ADAM23: variants seen among roughly 807,000 people sequenced by gnomAD.
The protein encoded by ADAM23 is ADAM metallopeptidase domain 23.
ADAM23 carries 33 observed loss-of-function variants against 120.1 expected under a neutral mutation model. The observed-to-expected ratio is 0.27, with a 90% CI of 0.21 to 0.37. The LOEUF (loss-of-function observed/expected upper bound fraction) is 0.37, where lower values mean the gene tolerates loss of function less well. Ranked by LOEUF, ADAM23 falls within the 10% of genes least tolerant of loss-of-function variation. The pLI, the probability that ADAM23 is intolerant of heterozygous loss-of-function variation, is 1.00. For missense variants in ADAM23, 862 were observed against 1,058.2 expected (o/e 0.81, Z 2.57); for synonymous variants, 367 against 375.2 (o/e 0.98, Z 0.25).
intron 9 of ADAM23, 110 bp downstream of exon 9, chr2:206,550,270 G>T: frequency 1.9e-6 from 1 of 532,644 alleles, no homozygotes; most frequent in Non-Finnish European, 3.1e-6. Context: ...AAGATATTCA[G>T]ACATATTAAG....
Position 206,495,853 on chromosome 2 carries a change from A to G in ADAM23, c.509+14545A>G, listed in dbSNP as rs907861354. Among the ~76,000 whole-genome samples the G allele has an allele frequency of 5.8e-4, 89 of 152,352 alleles. 1 individual carries two copies. The highest frequency in any genetic ancestry group is 1.9e-3 in the African/African-American group (80 of 41,588). ...AAAAAAAGGCAGGGGTTGCAATCCT[A>G]GTCTCGGATTAAACAGACTTTAAAC... On this transcript the variant is annotated intron_variant, in intron 3 of 25. Coordinates refer to ENST00000264377, the MANE Select transcript of ADAM23 (RefSeq NM_003812.4).
At chr2:206,476,431 G>A (rs1161032738) in intron 2 of ADAM23, among the ~76,000 whole-genome samples, 1 of 152,162 alleles carries the variant, frequency 6.6e-6, no homozygotes, top group Non-Finnish European at 1.5e-5. Context: ...ACAGTAGGAG[G>A]TGAGTGGTGG....
chr2:206,479,363 G>A (rs1695848371), intron 2 of ADAM23, among the ~76,000 whole-genome samples: 6 of 152,136 alleles, frequency 3.9e-5, no homozygotes, highest in Admixed American at 2.6e-4. Context: ...TTATAAAGAT[G>A]TTCAAGGAGG....
chr2:206,609,763 A>G, intron 24 of ADAM23, 147 bp from the exon 25 acceptor site: 1 of 635,680 alleles, frequency 1.6e-6, no homozygotes, highest in Non-Finnish European at 2.7e-6. Flanking sequence ...CTAAAATGCA[A>G]TTAAGCTAAG....
chr2:206,618,215 G>A lies in ADAM23; in HGVS notation c.*588G>A, dbSNP rs1474456867. 6.6e-6 allele frequency: 1 copy of A among 152,066 alleles called. No homozygotes were observed. The highest frequency in any genetic ancestry group is 2.4e-5 in the African/African-American group (1 of 41,368). The allele number at this position is 152,066 out of a possible 1,614,324, so 9.4% of individuals were successfully genotyped here. On this transcript the variant is annotated 3_prime_UTR_variant, in exon 26 of 26. Coordinates refer to ENST00000264377, the MANE Select transcript of ADAM23 (RefSeq NM_003812.4). ...TGCCTGGGCCTCTTCACTTAAACAT[G>A]TCCCCACACCCCATCCTCTCGGAGC...
chr2:206,454,030 G>T (rs2105852462), intron 2 of ADAM23, among the ~76,000 whole-genome samples: 1 of 152,368 alleles, frequency 6.6e-6, no homozygotes, highest in East Asian at 1.9e-4. Context: ...CTTCTCTGCT[G>T]ATAGGCACTA....
rs1002996482 is a variant in ADAM23, at chr2:206,614,180, G to A, written c.2451-3399G>A. 6.6e-5 allele frequency among the ~76,000 whole-genome samples: 10 copies of A among 152,164 alleles called. No homozygotes were observed. In the East Asian group the frequency reaches 1.5e-3, roughly 23 times the overall value. ...GTGTTAATTTAATATTAATAAGTCT[G>A]TGTAATTATCATACGTGATTCCTTC... is the stretch of plus-strand genomic sequence containing the variant. On this transcript the variant is annotated intron_variant, in intron 25 of 25. Coordinates refer to ENST00000264377, the MANE Select transcript of ADAM23 (RefSeq NM_003812.4).
intron 11 of ADAM23, among the ~76,000 whole-genome samples, chr2:206,560,807 TATTA>T (rs1053205922): frequency 1.3e-5 from 2 of 152,182 alleles, no homozygotes; most frequent in Non-Finnish European, 2.9e-5. Context: ...TAATCAGCAA[TATTA>T]ATTCTTTTTA....
At chr2:206,462,301 T>C (rs1695437911) in intron 2 of ADAM23, among the ~76,000 whole-genome samples, 1 of 152,214 alleles carries the variant, frequency 6.6e-6, no homozygotes, top group Non-Finnish European at 1.5e-5. Flanking sequence ...AAAAATATAA[T>C]ATGAAAAGTG....
At position 206,445,372 on chromosome 2, in the gene ADAM23, C is replaced by T. The variant is rs777448539; in HGVS notation, c.280C>T (p.Gln94Ter). The T allele has an allele frequency of 6.2e-7, 1 of 1,613,938 alleles. No individual in the cohort carries two copies. Among genetic ancestry groups the T allele is most frequent in the Non-Finnish European group, 8.5e-7 (1 of 1,179,976 alleles). The change falls in exon 2 of 26, where the codon CAA becomes TAA. Residue 94 changes from glutamine to a stop codon, truncating the protein, a stop_gained. Transcript: ENST00000264377. LOFTEE classifies it high-confidence loss of function. ...CCTGGCAGATGAAGACAATACATTG[C>T]AACAGAATAGCAGCAGTAATATCAG... ...GVLADEDNTL[Q>*]QNSSSNISYS...
At chr2:206,477,897 A>AAAATATATATATATATATATATATAT (rs374524658) in intron 2 of ADAM23, among the ~76,000 whole-genome samples, 16 of 93,548 alleles carry the variant, frequency 1.7e-4, no homozygotes, top group African/African-American at 4.1e-4. Flanking sequence ...AAAAAAAAAA[A>AAAATATATATATATATATATATATAT]ATATATATAT....
chr2:206,563,318 A>G (rs1208872011), intron 13 of ADAM23, among the ~76,000 whole-genome samples: 1 of 152,212 alleles, frequency 6.6e-6, no homozygotes, highest in Non-Finnish European at 1.5e-5. Context: ...TCTATATTTT[A>G]TATTCTTTTT....
chr2:206,596,062 T>C lies in ADAM23; in HGVS notation c.2259T>C (p.Asn753=). 6.2e-7 allele frequency: 1 copy of C among 1,613,764 alleles called. No individual in the cohort carries two copies. Among genetic ancestry groups the C allele is most frequent in the Non-Finnish European group, 8.5e-7 (1 of 1,179,752 alleles). The change falls in exon 24 of 26, where the codon AAT becomes AAC. Residue 753 remains asparagine, a synonymous_variant. Coordinates refer to ENST00000264377, the MANE Select transcript of ADAM23 (RefSeq NM_003812.4). ...KVCSGHGVCS[N]EATCICDFTW... ...CTTTTTCTTCACAGGTGTGTAGTAA[T>C]GAAGCCACCTGCATTTGTGATTTCA...
At chr2:206,534,785 C>T (rs2105801083) in intron 4 of ADAM23, among the ~76,000 whole-genome samples, 1 of 152,186 alleles carries the variant, frequency 6.6e-6, no homozygotes, top group Admixed American at 6.5e-5. Context: ...TGCCTCCATC[C>T]CAACTTCCCT....
chr2:206,590,990 A>G (rs961526220), intron 21 of ADAM23, among the ~76,000 whole-genome samples: 2 of 152,190 alleles, frequency 1.3e-5, no homozygotes, highest in African/African-American at 2.4e-5. Flanking sequence ...AGAATACCCA[A>G]TCCCCAATAA....
intron 3 of ADAM23, among the ~76,000 whole-genome samples, chr2:206,502,775 TGTG>T (rs1160307648): frequency 2.0e-5 from 3 of 152,192 alleles, no homozygotes; most frequent in Non-Finnish European, 4.4e-5. Flanking sequence ...AATTACAGTT[TGTG>T]GACATGTAAT....
At position 206,547,467 on chromosome 2, in the gene ADAM23, G is replaced by T; in HGVS notation, c.759G>T (p.Leu253Phe). The change falls in exon 7 of 26, where the codon TTG becomes TTT. Residue 253 changes from leucine (L) to phenylalanine (F), a missense_variant. Coordinates refer to ENST00000264377, the MANE Select transcript of ADAM23 (RefSeq NM_003812.4). ...TGRPHIIQKT[L>F]AGQYSKQMKN... ...GACCACATATAATCCAGAAAACCTT[G>T]GCAGGACAGTATTCTAAGCAAATGA... 6.2e-7 allele frequency: 1 copy of T among 1,612,932 alleles called. No individual in the cohort carries two copies. The highest frequency in any genetic ancestry group is 8.5e-7 in the Non-Finnish European group (1 of 1,179,374).
chr2:206,455,820 G>A (rs1228942330), intron 2 of ADAM23, among the ~76,000 whole-genome samples: 1 of 152,054 alleles, frequency 6.6e-6, no homozygotes, highest in African/African-American at 2.4e-5. Flanking sequence ...TTCCCAATAA[G>A]TTCCTCATTT....
chr2:206,555,541 C>G (rs1042939905), intron 9 of ADAM23, among the ~76,000 whole-genome samples: 1 of 151,896 alleles, frequency 6.6e-6, no homozygotes, highest in African/African-American at 2.4e-5. Context: ...CAATGACAGG[C>G]AAAATAATTT....
Sources: gnomAD v4.1 joint callset for allele counts (sites outside exome capture counted in the v4.1 genomes callset) on GRCh38, gnomAD v4.1.1 for gene constraint, MANE v1.5 for transcripts, NCBI Gene and HGNC (gene_info 2026-07-23, HGNC 2026-07-21) for gene names.